CNST: variants seen among roughly 807,000 people sequenced by gnomAD.
CNST encodes the protein consortin.
A neutral mutation model predicts 72.4 loss-of-function variants in CNST; 39 were observed. The ratio of observed to expected loss-of-function variants is 0.54; its 90% CI spans 0.42 to 0.70. The LOEUF (loss-of-function observed/expected upper bound fraction) is 0.70. Among genes scored for constraint, CNST ranks in the 30% least tolerant of loss-of-function variants. The pLI is 0.00. For missense variants in CNST, 871 were observed against 868.5 expected (o/e 1.00, Z -0.04); for synonymous variants, 332 against 320.1 (o/e 1.04, Z -0.40).
chr1:246,589,239 A>G (rs533006899), intron 1 of CNST, among the ~76,000 whole-genome samples: 2 of 150,136 alleles, frequency 1.3e-5, no homozygotes, highest in South Asian at 4.3e-4. Context: ...AGCATTAGGT[A>G]TATCTCCTAA....
Position 246,668,054 on chromosome 1 carries a change from G to A in CNST, c.*2149G>A, listed in dbSNP as rs8344. 29,245 of 152,134 alleles carry A rather than the reference G, an allele frequency of 0.19. 3,016 individuals carry two copies. Among genetic ancestry groups the A allele is most frequent in the Non-Finnish European group, 0.22 (14,728 of 67,996 alleles). The allele number at this position is 152,134 out of a possible 1,614,324, so 9.4% of individuals were successfully genotyped here. A position where few individuals can be genotyped will look rare whatever the true frequency, so the allele number is the denominator to read the frequency against. ...CGCCACTTCCCAGGGAGGGTGAGGT[G>A]AGCTCGGGAACATAACGATGTTTTG... On this transcript the variant is annotated 3_prime_UTR_variant, in exon 11 of 11. Transcript: ENST00000366513.
chr1:246,566,481 C>A lies in CNST; in HGVS notation c.-234C>A. ...GCGGTCGCGGGCCGCCAGCCTCCAG[C>A]CGGCCAGCCGCGAGGGGTGCGCAGA... On this transcript the variant is annotated 5_prime_UTR_variant, in exon 1 of 11. Coordinates refer to ENST00000366513, the MANE Select transcript of CNST (RefSeq NM_152609.3). 1 of 443,530 alleles carries A rather than the reference C, an allele frequency of 2.3e-6. No homozygotes were observed. The highest frequency in any genetic ancestry group is 3.2e-5 in the East Asian group (1 of 31,496). The allele number at this position is 443,530 out of a possible 1,614,324, so 27.5% of individuals were successfully genotyped here.
At chr1:246,660,446 C>A in intron 10 of CNST, 112 bp downstream of exon 10, 1 of 1,218,790 alleles carries the variant, frequency 8.2e-7, no homozygotes, top group Non-Finnish European at 1.1e-6. Context: ...ACTATGTCCG[C>A]CAGGCACGGT....
At chr1:246,602,909 T>A (rs1315753756) in intron 2 of CNST, among the ~76,000 whole-genome samples, 1 of 148,930 alleles carries the variant, frequency 6.7e-6, no homozygotes, top group Non-Finnish European at 1.5e-5. Context: ...TTTTTTTTTT[T>A]ATGATTTCAG....
At position 246,642,032 on chromosome 1, in the gene CNST, A is replaced by G; in HGVS notation, c.932A>G (p.Glu311Gly). Reference sequence around the variant, plus strand: ...AAGGAAGGAGGAGCTACCACCAAAGAGTCAGGTATGTTTTTAACTTAAGCT... The same window carrying G: ...AAGGAAGGAGGAGCTACCACCAAAGGGTCAGGTATGTTTTTAACTTAAGCT... ...DPKEGGATTK[E>G]SESKTCLGTE... is the part of the protein sequence containing the mutation. The change falls in exon 8 of 11, where the codon GAG becomes GGG. Residue 311 changes from glutamate (E) to glycine (G), a missense_variant. Physicochemically the swap from Glu to Gly is moderately conservative, Grantham distance 98. Coordinates refer to ENST00000366513, the MANE Select transcript of CNST (RefSeq NM_152609.3). The G allele has an allele frequency of 1.3e-6, 2 of 1,597,244 alleles. No homozygotes were observed. Among genetic ancestry groups the G allele is most frequent in the Non-Finnish European group, 1.7e-6 (2 of 1,168,102 alleles).
intron 2 of CNST, 140 bp downstream of exon 2, chr1:246,592,081 G>C (rs1661581058): frequency 1.5e-6 from 1 of 646,242 alleles, no homozygotes; most frequent in South Asian, 2.0e-5. Context: ...AGCACAAGTA[G>C]ATCCAACTGC....
chr1:246,631,879 C>G lies in CNST; in HGVS notation c.586-15C>G. 1.3e-6 allele frequency: 2 copies of G among 1,491,038 alleles called. No homozygotes were observed. The highest frequency in any genetic ancestry group is 1.9e-6 in the Non-Finnish European group (2 of 1,077,430). The allele number at this position is 1,491,038 out of a possible 1,614,324, so 92.4% of individuals were successfully genotyped here. ...GTTAATTTAATTTTCTCTGTGTTTT[C>G]TTTGTTTTTAACAGATAGCAGAATC... On this transcript the variant is annotated splice_polypyrimidine_tract_variant and intron_variant, in intron 3 of 10. Coordinates refer to ENST00000366513, the MANE Select transcript of CNST (RefSeq NM_152609.3).
At chr1:246,600,617 T>C (rs1292222809) in intron 2 of CNST, among the ~76,000 whole-genome samples, 1 of 152,244 alleles carries the variant, frequency 6.6e-6, no homozygotes, top group Non-Finnish European at 1.5e-5. Context: ...TTCTCAGTTA[T>C]CTGGTTTAAG....
intron 10 of CNST, among the ~76,000 whole-genome samples, chr1:246,661,183 T>C (rs1667084240): frequency 6.6e-6 from 1 of 152,112 alleles, no homozygotes; most frequent in South Asian, 2.1e-4. Context: ...TTGGTCAGGC[T>C]GGTCTCAAAC....
At chr1:246,603,126 C>T (rs559823065) in intron 2 of CNST, among the ~76,000 whole-genome samples, 2 of 152,208 alleles carry the variant, frequency 1.3e-5, no homozygotes, top group South Asian at 4.1e-4. Context: ...CCTCCAGATG[C>T]ATGGGAATAT....
chr1:246,645,553 G>A (rs111837817), intron 8 of CNST, among the ~76,000 whole-genome samples: 1 of 148,038 alleles, frequency 6.8e-6, no homozygotes, highest in African/African-American at 2.5e-5. Context: ...TCAGCCTCCC[G>A]AGTAGCTGGG....
In CNST at chr1:246,666,142, T is replaced by C; in HGVS notation, c.*237T>C. On this transcript the variant is annotated 3_prime_UTR_variant, in exon 11 of 11. Transcript: ENST00000366513. Reference sequence around the variant, plus strand: ...AGGAATGGTCTTTGGAGAGAGCATATCCATCTCCTCCTCACTGCCTCCTAA... The same window carrying C: ...AGGAATGGTCTTTGGAGAGAGCATACCCATCTCCTCCTCACTGCCTCCTAA... The C allele has an allele frequency of 2.1e-6, 1 of 487,132 alleles. No homozygotes were observed. The highest frequency in any genetic ancestry group is 3.7e-6 in the Non-Finnish European group (1 of 270,880). The allele number at this position is 487,132 out of a possible 1,614,324, so 30.2% of individuals were successfully genotyped here.
chr1:246,619,643 CA>C (rs2103074017), intron 2 of CNST, among the ~76,000 whole-genome samples: 1 of 152,310 alleles, frequency 6.6e-6, no homozygotes, highest in South Asian at 2.1e-4. Flanking sequence ...TAGAGTAGAA[CA>C]TAAATAGGCT....
intron 1 of CNST, among the ~76,000 whole-genome samples, chr1:246,567,010 C>T (rs1659745296): frequency 6.6e-6 from 1 of 152,158 alleles, no homozygotes; most frequent in Non-Finnish European, 1.5e-5. Context: ...CCCGCTCTCC[C>T]CACCCTCGTG....
intron 3 of CNST, among the ~76,000 whole-genome samples, chr1:246,626,089 C>T (rs1664413589): frequency 6.6e-6 from 1 of 151,488 alleles, no homozygotes; most frequent in African/African-American, 2.4e-5. Context: ...CCCACTCTGT[C>T]ACCAGGCTGG....
In CNST at chr1:246,665,703, A is replaced by C; in HGVS notation, c.1976A>C (p.Glu659Ala). Residue 659 changes from glutamate (E) to alanine (A), a missense_variant, in exon 11 of 11, where the codon GAA (glutamate) becomes GCA (alanine). Physicochemically the swap from Glu to Ala is moderately radical, Grantham distance 107 (BLOSUM62 -1). Coordinates refer to ENST00000366513, the MANE Select transcript of CNST (RefSeq NM_152609.3). ...TCACTCTTTCTCATGTTTGCAGATG[A>C]AGTTGGAGGTGGCTCCTGTATTTTG... ...QEIDDSLDQDEVGGGSCILLV... is the reference protein window; with the variant it reads ...QEIDDSLDQDAVGGGSCILLV... 6.2e-7 allele frequency: 1 copy of C among 1,612,568 alleles called. No homozygotes were observed. The highest frequency in any genetic ancestry group is 8.5e-7 in the Non-Finnish European group (1 of 1,179,844).
intron 3 of CNST, among the ~76,000 whole-genome samples, chr1:246,626,628 T>A (rs1311606710): frequency 1.3e-5 from 2 of 151,664 alleles, no homozygotes; most frequent in East Asian, 3.9e-4. Context: ...GGCTAATTTT[T>A]AAATTTTTAG....
intron 10 of CNST, among the ~76,000 whole-genome samples, chr1:246,665,308 G>T (rs1231009500): frequency 6.6e-6 from 1 of 152,208 alleles, no homozygotes; most frequent in Non-Finnish European, 1.5e-5. Flanking sequence ...AGGTGTCAGG[G>T]CTGCAGTGAG....
intron 1 of CNST, among the ~76,000 whole-genome samples, chr1:246,582,991 G>C (rs1572124622): frequency 6.6e-6 from 1 of 152,238 alleles, no homozygotes; most frequent in South Asian, 2.1e-4. Flanking sequence ...TGACCCTGTT[G>C]TCCGCCCGTT....
Sources: gnomAD v4.1 joint callset for allele counts (sites outside exome capture counted in the v4.1 genomes callset) on GRCh38, gnomAD v4.1.1 for gene constraint, MANE v1.5 for transcripts, NCBI Gene and HGNC (gene_info 2026-07-23, HGNC 2026-07-21) for gene names.